ANK3: variants seen among roughly 807,000 people sequenced by gnomAD.
The protein encoded by ANK3 is ankyrin 3.
A neutral mutation model predicts 370.9 loss-of-function variants in ANK3; 57 were observed. The ratio of observed to expected loss-of-function variants is 0.15; its 90% CI spans 0.12 to 0.19. The LOEUF is 0.19. Ranked by LOEUF, ANK3 falls within the 10% of genes least tolerant of loss-of-function variation. The pLI, the probability that ANK3 is intolerant of heterozygous loss-of-function variation, is 1.00. For missense variants in ANK3, 4,439 were observed against 5,302.1 expected (o/e 0.84, Z 5.06); for synonymous variants, 1,929 against 1,946.3 (o/e 0.99, Z 0.23).
intron 2 of ANK3, among the ~76,000 whole-genome samples, chr10:60,601,196 C>CAT (rs1024589791): frequency 4.6e-5 from 7 of 151,444 alleles, no homozygotes; most frequent in African/African-American, 1.7e-4. Context: ...CACACACACA[C>CAT]ATACCCGCAC....
At chr10:60,500,563 A>C (rs2075771025) in intron 2 of ANK3, among the ~76,000 whole-genome samples, 1 of 152,168 alleles carries the variant, frequency 6.6e-6, no homozygotes, top group Non-Finnish European at 1.5e-5. Flanking sequence ...CTAAAATAAC[A>C]GTTGAAAATA....
chr10:60,053,655 G>A (rs973566099), intron 42 of ANK3: 1 of 1,301,644 alleles, frequency 7.7e-7, no homozygotes, highest in Non-Finnish European at 1.0e-6. Context: ...ATGGAAACAG[G>A]TGGAAAATAG....
chr10:60,319,417 C>A (rs1593651147), intron 1 of ANK3, among the ~76,000 whole-genome samples: 1 of 152,284 alleles, frequency 6.6e-6, no homozygotes, highest in East Asian at 1.9e-4. Context: ...AACGTAGTCT[C>A]CCATCATGAC....
Position 60,186,366 on chromosome 10 carries a change from A to G in ANK3, c.2085+349T>C, listed in dbSNP as rs1206787547. Among the ~76,000 whole-genome samples, 3 of 106,136 alleles carry G rather than the reference A, an allele frequency of 2.8e-5. No homozygotes were observed. In the South Asian group the frequency reaches 8.7e-4, roughly 31 times the overall value. The allele number at this position is 106,136 out of a possible 152,430, so 69.6% of individuals were successfully genotyped here. ...TTCTGTCTTTTTTTTTTTTTTTTTT[A>G]AAGAGACAGGGTCTCACTCTGTCAC... On this transcript the variant is annotated intron_variant, in intron 17 of 43. Coordinates refer to ENST00000280772, the MANE Select transcript of ANK3 (RefSeq NM_020987.5).
At chr10:60,182,955 A>G (rs1303233726) in intron 17 of ANK3, among the ~76,000 whole-genome samples, 1 of 152,184 alleles carries the variant, frequency 6.6e-6, no homozygotes, top group Non-Finnish European at 1.5e-5. Context: ...GTCAGCCACA[A>G]CATTTTGTGA....
chr10:60,347,611 ACACT>A (rs1443060645), intron 1 of ANK3, among the ~76,000 whole-genome samples: 1 of 152,100 alleles, frequency 6.6e-6, no homozygotes, highest in Non-Finnish European at 1.5e-5. Flanking sequence ...AAAGTGCCTG[ACACT>A]CAATAAATGG....
chr10:60,696,465 A>C (rs1391218510), intron 1 of ANK3, among the ~76,000 whole-genome samples: 5 of 151,464 alleles, frequency 3.3e-5, no homozygotes, highest in Non-Finnish European at 7.4e-5. Flanking sequence ...AGAATTTTAG[A>C]CCAATATCCT....
chr10:60,055,590 A>G, intron 42 of ANK3, 68 bp downstream of exon 42: 3 of 1,502,560 alleles, frequency 2.0e-6, no homozygotes, highest in Non-Finnish European at 2.7e-6. Flanking sequence ...CTGCAAGATC[A>G]ATCCAAAGAA....
chr10:60,166,008 G>A (rs1156664778), intron 23 of ANK3, among the ~76,000 whole-genome samples: 2 of 151,996 alleles, frequency 1.3e-5, no homozygotes, highest in Admixed American at 6.6e-5. Flanking sequence ...TGGTTTTTAA[G>A]CAAAACAGAA....
chr10:60,612,636 C>T (rs930994072), intron 2 of ANK3, among the ~76,000 whole-genome samples: 13 of 152,128 alleles, frequency 8.5e-5, no homozygotes, highest in Non-Finnish European at 1.8e-4. Context: ...GGATTACAGG[C>T]GCTTGCCACC....
At chr10:60,670,807 T>C (rs7081143) in intron 1 of ANK3, among the ~76,000 whole-genome samples, 1,644 of 152,310 alleles carry the variant, frequency 0.011, 26 homozygotes, top group African/African-American at 0.037. Context: ...GTCTGGCCAA[T>C]TGACTCCAAG....
chr10:60,266,695 T>C (rs538587116), intron 5 of ANK3, among the ~76,000 whole-genome samples: 1 of 152,198 alleles, frequency 6.6e-6, no homozygotes, highest in Non-Finnish European at 1.5e-5. Context: ...GACACAAAGA[T>C]ACCAGCTCTA....
chr10:60,712,018 A>G (rs1408322310), intron 1 of ANK3, among the ~76,000 whole-genome samples: 1 of 152,196 alleles, frequency 6.6e-6, no homozygotes, highest in Non-Finnish European at 1.5e-5. Flanking sequence ...ACTTTTCTGG[A>G]CAAAAATTGA....
chr10:60,543,197 C>T (rs1384757517), intron 2 of ANK3, among the ~76,000 whole-genome samples: 6 of 151,802 alleles, frequency 4.0e-5, no homozygotes. Flanking sequence ...AAAGATGTCC[C>T]ATATATGACT....
chr10:60,382,912 A>C (rs1028824324), intron 1 of ANK3, among the ~76,000 whole-genome samples: 1 of 151,776 alleles, frequency 6.6e-6, no homozygotes, highest in Non-Finnish European at 1.5e-5. Context: ...AGGAATATAC[A>C]AATCTAGATT....
intron 1 of ANK3, among the ~76,000 whole-genome samples, chr10:60,367,148 T>C (rs557999868): frequency 1.2e-4 from 18 of 152,328 alleles, no homozygotes; most frequent in South Asian, 6.2e-4. Flanking sequence ...TAGAGTTTCC[T>C]GGACCCTGGA....
At chr10:60,166,987 G>T in intron 21 of ANK3, 91 bp from the exon 22 acceptor site, 1 of 1,059,956 alleles carries the variant, frequency 9.4e-7, no homozygotes. Flanking sequence ...AGTTTCTTGT[G>T]GAATGTATGT....
At chr10:60,588,583 T>G (rs1399906200) in intron 2 of ANK3, among the ~76,000 whole-genome samples, 1 of 152,014 alleles carries the variant, frequency 6.6e-6, no homozygotes, top group African/African-American at 2.4e-5. Context: ...AAATCTAAAC[T>G]GTGAGAAATT....
At chr10:60,447,347 G>C (rs1167618546) in intron 2 of ANK3, among the ~76,000 whole-genome samples, 1 of 152,180 alleles carries the variant, frequency 6.6e-6, no homozygotes. Context: ...GATGGTGATG[G>C]TTCAGGAAAG....
Sources: allele counts gnomAD v4.1 joint callset (sites outside exome capture counted in the v4.1 genomes callset), GRCh38; gene constraint gnomAD v4.1.1; transcripts MANE v1.5; gene names NCBI Gene and HGNC (gene_info 2026-07-23, HGNC 2026-07-21).